The following SLC16A6 variants were observed in gnomAD, a reference collection of about 807,000 sequenced individuals.
SLC16A6 encodes the protein monocarboxylate transporter 7.
In SLC16A6, 15 loss-of-function variants were observed where a neutral mutation model predicts 33.8. The ratio of observed to expected loss-of-function variants is 0.44; its 90% CI spans 0.30 to 0.68. SLC16A6 has a LOEUF of 0.68. Among genes scored for constraint, SLC16A6 ranks in the 30% least tolerant of loss-of-function variants. The probability of loss-of-function intolerance (pLI) is 0.10; values close to 1 mark genes in which losing one functional copy is unlikely to be tolerated. For synonymous variants in SLC16A6, 219 were observed against 248.4 expected (o/e 0.88, Z 1.11); for missense variants, 451 against 661.5 (o/e 0.68, Z 3.49).
intron 1 of SLC16A6, among the ~76,000 whole-genome samples, chr17:68,278,923 T>G (rs984806532): frequency 3.9e-5 from 6 of 152,152 alleles, no homozygotes; most frequent in African/African-American, 1.2e-4. Context: ...CCCAGCTGAT[T>G]GTTGAATATT....
At chr17:68,281,126 CAAAA>C (rs782776858) in intron 1 of SLC16A6, among the ~76,000 whole-genome samples, 2 of 72,906 alleles carry the variant, frequency 2.7e-5, no homozygotes, top group Admixed American at 1.5e-4. Context: ...ACTCTGCCTC[CAAAA>C]AAAAAAAAAA....
intron 1 of SLC16A6, among the ~76,000 whole-genome samples, chr17:68,288,047 A>G (rs2075883365): frequency 7.2e-6 from 1 of 138,326 alleles, no homozygotes; most frequent in Non-Finnish European, 1.5e-5. Context: ...CCCAGGCTGG[A>G]GCACAGTGGT....
chr17:68,283,356 T>C (rs1270418416), intron 1 of SLC16A6, among the ~76,000 whole-genome samples: 1 of 151,066 alleles, frequency 6.6e-6, no homozygotes, highest in African/African-American at 2.4e-5. Flanking sequence ...CCGTCTCTAC[T>C]AAAAATACAA....
In SLC16A6 at chr17:68,274,044, G is replaced by T; in HGVS notation, c.259C>A (p.Arg87Ser). ...SAPLATVLSN[R>S]FGHRLVVMLG... ...ATCACTACCAGACGGTGTCCGAAAC[G>T]ATTGCTCAGGACTGTGGCGAGGGGA... Residue 87 changes from arginine (R) to serine (S), a missense_variant, in exon 3 of 6, where the codon CGT becomes AGT. Around this residue, in one of 2 missense-constraint regions of SLC16A6, gnomAD observed 405 missense variants for 510.7 expected, o/e 0.79. Transcript: ENST00000580666. 6.2e-7 allele frequency: 1 copy of T among 1,614,140 alleles called. No homozygotes were observed. The highest frequency in any genetic ancestry group is 1.3e-5 in the African/African-American group (1 of 75,036).
intron 2 of SLC16A6, among the ~76,000 whole-genome samples, chr17:68,277,219 C>T (rs1184775748): frequency 1.3e-5 from 2 of 151,960 alleles, no homozygotes; most frequent in Non-Finnish European, 2.9e-5. Flanking sequence ...GCAACCTCCA[C>T]CTCCCAGGTT....
At chr17:68,286,102 G>A (rs188967297) in intron 1 of SLC16A6, among the ~76,000 whole-genome samples, 184 of 152,194 alleles carry the variant, frequency 1.2e-3, no homozygotes, top group African/African-American at 4.1e-3. Context: ...CATGTGGACC[G>A]GGCTGTGGGT....
chr17:68,284,618 T>C (rs1206442934), intron 1 of SLC16A6, among the ~76,000 whole-genome samples: 13 of 152,066 alleles, frequency 8.5e-5, no homozygotes, highest in African/African-American at 3.1e-4. Context: ...GACTTGCTGG[T>C]TTTCTATTTT....
intron 1 of SLC16A6, among the ~76,000 whole-genome samples, chr17:68,283,878 C>CA (rs58291216): frequency 0.017 from 931 of 55,344 alleles, 35 homozygotes; most frequent in African/African-American, 0.026. Flanking sequence ...AACTCCGTCT[C>CA]AAAAAAAAAA....
intron 1 of SLC16A6, among the ~76,000 whole-genome samples, chr17:68,280,121 G>A (rs1599537731): frequency 6.8e-6 from 1 of 147,700 alleles, no homozygotes; most frequent in South Asian, 2.1e-4. Flanking sequence ...GGAGGAGGTT[G>A]CAGTGAGCTG....
chr17:68,269,589 G>C (rs1451737821), intron 5 of SLC16A6, among the ~76,000 whole-genome samples: 1 of 146,246 alleles, frequency 6.8e-6, no homozygotes, highest in Non-Finnish European at 1.5e-5. Flanking sequence ...CTAAAACCTG[G>C]GACATTTCGA....
intron 5 of SLC16A6, among the ~76,000 whole-genome samples, chr17:68,269,630 C>T (rs1331795059): frequency 1.5e-5 from 2 of 137,194 alleles, no homozygotes; most frequent in African/African-American, 2.8e-5. Flanking sequence ...TAATATTCTT[C>T]GGTAGGAAGG....
At chr17:68,273,153 CTG>C (rs1406066145) in intron 3 of SLC16A6, among the ~76,000 whole-genome samples, 1 of 151,816 alleles carries the variant, frequency 6.6e-6, no homozygotes, top group African/African-American at 2.4e-5. Context: ...ATCTTAACAA[CTG>C]TGTGTGTATC....
At chr17:68,278,967 T>TA (rs1273313964) in intron 1 of SLC16A6, among the ~76,000 whole-genome samples, 3 of 152,150 alleles carry the variant, frequency 2.0e-5, no homozygotes, top group African/African-American at 7.2e-5. Flanking sequence ...AGTATTTGGA[T>TA]ACTTTTATGC....
Position 68,274,005 on chromosome 17 carries a change from G to T in SLC16A6, c.298C>A (p.Leu100Ile). 3.7e-6 allele frequency: 6 copies of T among 1,614,160 alleles called. No individual in the cohort carries two copies. Among genetic ancestry groups the T allele is most frequent in the Non-Finnish European group, 5.1e-6 (6 of 1,180,030 alleles). ...GCGGCCACCATCCCGGTGCTGACAA[G>T]TAGCCCCCCCAACATCACTACCAGA... ...HRLVVMLGGL[L>I]VSTGMVAASF... The change falls in exon 3 of 6, where the codon CTT becomes ATT. Residue 100 changes from leucine (L) to isoleucine (I), a missense_variant. Coordinates refer to ENST00000580666, the MANE Select transcript of SLC16A6 (RefSeq NM_004694.5).
Position 68,271,565 on chromosome 17 carries a change from G to A in SLC16A6, c.595C>T (p.Leu199=). 1 of 1,614,200 alleles carries A rather than the reference G, an allele frequency of 6.2e-7. No individual in the cohort carries two copies. The highest frequency in any genetic ancestry group is 1.1e-5 in the South Asian group (1 of 91,080). ...CCTCTGATAAAGATGGGTCTGAGCA[G>A]TGCTCCGAAGATGACAATGTTTAAC... is the stretch of plus-strand genomic sequence containing the variant. ...LQLNIVIFGA[L]LRPIFIRGPA... The change falls in exon 5 of 6, where the codon CTG becomes TTG. Residue 199 remains leucine, a synonymous_variant. Coordinates refer to ENST00000580666, the MANE Select transcript of SLC16A6 (RefSeq NM_004694.5). This position sits in a 1 kb window ranked among gnomAD's most constrained non-coding sequence, Gnocchi z 5.3.
In SLC16A6 at chr17:68,270,939, A is replaced by C; in HGVS notation, c.1221T>G (p.Leu407=). 6.2e-7 allele frequency: 1 copy of C among 1,614,222 alleles called. No individual in the cohort carries two copies. Among genetic ancestry groups the C allele is most frequent in the Non-Finnish European group, 8.5e-7 (1 of 1,180,032 alleles). Residue 407 remains leucine, a synonymous_variant, in exon 5 of 6, where the codon CTT becomes CTG. Transcript: ENST00000580666. ...GTIGGTHIPL[L]AEDDVVGIEK... Reference sequence around the variant, plus strand: ...CAATGCCCACGACATCATCCTCAGCAAGCAGTGGAATGTGAGTCCCTCCTA... The same window carrying C: ...CAATGCCCACGACATCATCCTCAGCCAGCAGTGGAATGTGAGTCCCTCCTA...
intron 1 of SLC16A6, among the ~76,000 whole-genome samples, chr17:68,290,640 C>T (rs1367054108): frequency 6.6e-6 from 1 of 152,250 alleles, no homozygotes; most frequent in Non-Finnish European, 1.5e-5. Context: ...CAGTGCCCGG[C>T]CTGCGTGCGC....
At chr17:68,281,155 A>G (rs1555752649) in intron 1 of SLC16A6, among the ~76,000 whole-genome samples, 9 of 151,766 alleles carry the variant, frequency 5.9e-5, no homozygotes, top group African/African-American at 2.2e-4. Flanking sequence ...TGAAAAGACA[A>G]CCCACAGAAG....
At chr17:68,273,198 AT>A (rs1323036154) in intron 3 of SLC16A6, among the ~76,000 whole-genome samples, 1 of 151,282 alleles carries the variant, frequency 6.6e-6, no homozygotes, top group African/African-American at 2.4e-5. Context: ...GCCTCCTTTT[AT>A]TGTTCATTTC....
Sources: allele counts gnomAD v4.1 joint callset (sites outside exome capture counted in the v4.1 genomes callset), GRCh38; gene constraint gnomAD v4.1.1; regional missense constraint gnomAD v4.1.1; non-coding constraint Gnocchi (gnomAD v3.1); transcripts MANE v1.5; gene names NCBI Gene and HGNC (gene_info 2026-07-23, HGNC 2026-07-21).